The following ASAH2 variants were observed in gnomAD, a reference collection of about 807,000 sequenced individuals.
The protein encoded by ASAH2 is neutral ceramidase.
In ASAH2, 58 loss-of-function variants were observed where a neutral mutation model predicts 82.9. The ratio of observed to expected loss-of-function variants is 0.70; its 90% confidence interval spans 0.57 to 0.87. The LOEUF (loss-of-function observed/expected upper bound fraction) is 0.87. Among genes scored for constraint, ASAH2 ranks in the 40% least tolerant of loss-of-function variants. The probability of loss-of-function intolerance (pLI) is 0.00; values close to 1 mark genes in which losing one functional copy is unlikely to be tolerated. For missense variants in ASAH2, 779 were observed against 834.0 expected (o/e 0.93, Z 0.81); for synonymous variants, 276 against 289.7 (o/e 0.95, Z 0.48).
rs779014422 is a variant in ASAH2 at position 50,245,312 on chromosome 10, G to A, written c.270C>T (p.Thr90=). ...TATQTSPVPL[T]PESPLFQNFS... ...AGTTCTGAAATAGAGGAGACTCTGG[G>A]GTTAAAGGCACTGGAGAAGTTTGAG... Residue 90 remains threonine, a synonymous_variant, in exon 3 of 21, where the codon ACC becomes ACT. Transcript: ENST00000682911. 2.5e-6 allele frequency: 4 copies of A among 1,613,962 alleles called. No individual in the cohort carries two copies.
chr10:50,213,791 A>G (rs985341527), intron 9 of ASAH2, among the ~76,000 whole-genome samples: 60 of 152,264 alleles, frequency 3.9e-4, no homozygotes, highest in Non-Finnish European at 6.3e-4. Context: ...AGACTTTAAT[A>G]TATTAGGAGC....
intron 14 of ASAH2, 66 bp from the exon 15 acceptor site, chr10:50,203,745 T>C (rs1845223072): frequency 1.4e-6 from 2 of 1,476,352 alleles, no homozygotes; most frequent in Non-Finnish European, 1.9e-6. Flanking sequence ...ACAGAAACAC[T>C]GGCAGTGAAA....
At chr10:50,247,602 G>T (rs1389625679) in intron 2 of ASAH2, among the ~76,000 whole-genome samples, 1 of 152,076 alleles carries the variant, frequency 6.6e-6, no homozygotes, top group Non-Finnish European at 1.5e-5. Flanking sequence ...AGAATGTGCA[G>T]GAAAAGAGAC....
intron 7 of ASAH2, 22 bp downstream of exon 7, chr10:50,233,162 T>A: frequency 6.4e-7 from 1 of 1,555,026 alleles, no homozygotes; most frequent in South Asian, 1.1e-5. Context: ...ACAGAATTAT[T>A]TTTAAAAAGG....
At position 50,202,884 on chromosome 10, in the gene ASAH2, A is replaced by C; in HGVS notation, c.1706T>G (p.Ile569Ser). The C allele has an allele frequency of 6.2e-7, 1 of 1,612,278 alleles. No individual in the cohort carries two copies. Among genetic ancestry groups the C allele is most frequent in the Non-Finnish European group, 8.5e-7 (1 of 1,178,682 alleles). ...SHGMQNMTVV[I>S]SGLCNVYTHY... ...TGTATAGACGTTGCATAGACCTGAA[A>C]TAACAACAGTCATGTTCTGCATCCC... is the stretch of plus-strand genomic sequence containing the variant. Residue 569 changes from isoleucine to serine, a missense_variant, in exon 16 of 21, where the codon ATT becomes AGT. Around this residue, in one of 3 missense-constraint regions of ASAH2, gnomAD observed 759 missense variants for 755.2 expected, o/e 1.00. Transcript: ENST00000682911.
chr10:50,210,708 C>G, intron 12 of ASAH2, 115 bp downstream of exon 12: 1 of 992,670 alleles, frequency 1.0e-6, no homozygotes, highest in Non-Finnish European at 1.6e-6. Context: ...GGAAAACCAG[C>G]AGACCCTGAG....
intron 16 of ASAH2, among the ~76,000 whole-genome samples, chr10:50,200,940 C>A (rs1418039203): frequency 6.6e-6 from 1 of 152,060 alleles, no homozygotes; most frequent in Non-Finnish European, 1.5e-5. Flanking sequence ...TCCTGTTTTG[C>A]CTTTTTGTTC....
At chr10:50,229,924 T>C (rs1845982800) in intron 7 of ASAH2, among the ~76,000 whole-genome samples, 1 of 152,214 alleles carries the variant, frequency 6.6e-6, no homozygotes, top group Admixed American at 6.5e-5. Flanking sequence ...TATGCCTATC[T>C]GTATGCCTTC....
chr10:50,239,499 G>A (rs2842122), intron 4 of ASAH2, among the ~76,000 whole-genome samples: 121,097 of 152,074 alleles, frequency 0.8, 48,527 homozygotes, highest in Non-Finnish European at 0.85. Context: ...GCTAATGACC[G>A]TACTATTTCC....
At chr10:50,212,832 A>C (rs1394363337) in intron 10 of ASAH2, 140 bp downstream of exon 10, 2 of 845,792 alleles carry the variant, frequency 2.4e-6, no homozygotes, top group Non-Finnish European at 4.0e-6. Flanking sequence ...CCACCTCCCA[A>C]GCTGACCTCT....
At chr10:50,220,041 G>A (rs895324392) in intron 7 of ASAH2, among the ~76,000 whole-genome samples, 4 of 152,126 alleles carry the variant, frequency 2.6e-5, no homozygotes, top group African/African-American at 9.7e-5. Context: ...AACAAAGGAC[G>A]GGAACTGCTA....
chr10:50,236,846 CTT>C (rs1846172925), intron 4 of ASAH2, among the ~76,000 whole-genome samples: 1 of 152,092 alleles, frequency 6.6e-6, no homozygotes, highest in Non-Finnish European at 1.5e-5. Context: ...AACCAGTACT[CTT>C]ATTCATTCAT....
chr10:50,202,773 A>G (rs936158873), intron 16 of ASAH2, 56 bp downstream of exon 16: 6 of 1,186,596 alleles, frequency 5.1e-6, no homozygotes, highest in Non-Finnish European at 1.3e-6. Flanking sequence ...TGCATTTGAC[A>G]CAATAGTCTT....
chr10:50,205,900 T>A, intron 13 of ASAH2, 82 bp downstream of exon 13: 1 of 1,094,610 alleles, frequency 9.1e-7, no homozygotes, highest in Non-Finnish European at 1.4e-6. Context: ...TCTCAGTAGA[T>A]ATCTACCATT....
chr10:50,231,109 C>T (rs1230575788), intron 7 of ASAH2, among the ~76,000 whole-genome samples: 1 of 151,792 alleles, frequency 6.6e-6, no homozygotes, highest in Non-Finnish European at 1.5e-5. Flanking sequence ...GGTCCTTCAG[C>T]CAAGAGTAAA....
rs1414807859 is a variant in ASAH2, at chr10:50,221,765, C to T, written c.894-3135G>A. On this transcript the variant is annotated intron_variant, in intron 7 of 20. Coordinates refer to ENST00000682911, the MANE Select transcript of ASAH2 (RefSeq NM_019893.4). ...AGAGATAGAGATATATGCTCTTATC[C>T]ACTGTGGAATCCTGGTTCTGTCCCT... is the stretch of plus-strand genomic sequence containing the variant. 2.0e-5 allele frequency among the ~76,000 whole-genome samples: 3 copies of T among 152,092 alleles called. No homozygotes were observed. The East Asian group carries it at 5.8e-4, about 29-fold the overall frequency.
intron 7 of ASAH2, among the ~76,000 whole-genome samples, chr10:50,226,007 C>T (rs939624889): frequency 5.1e-4 from 77 of 152,066 alleles, no homozygotes; most frequent in Middle Eastern, 3.4e-3. Context: ...GCAAGAGAAT[C>T]GCTTGAACCC....
intron 7 of ASAH2, among the ~76,000 whole-genome samples, chr10:50,218,906 G>T (rs1399487260): frequency 6.6e-6 from 1 of 152,166 alleles, no homozygotes; most frequent in South Asian, 2.1e-4. Context: ...GTTACCAGAT[G>T]ACATACCTAA....
chr10:50,212,991 G>A lies in ASAH2; in HGVS notation c.1208C>T (p.Ala403Val), dbSNP rs1219255427. ...MFDSTQIIGR[A>V]MYQRAKELYA... ...GCTTACCTTTGCTCTCTGATACATG[G>A]CCCGTCCTATAATTTGTGTGCTGTC... The change falls in exon 10 of 21, where the codon GCC becomes GTC. Residue 403 changes from alanine to valine, a missense_variant. By Grantham distance (64) the Ala-to-Val change is moderately conservative. Coordinates refer to ENST00000682911, the MANE Select transcript of ASAH2 (RefSeq NM_019893.4). 1.2e-6 allele frequency: 2 copies of A among 1,613,586 alleles called. No homozygotes were observed. The highest frequency in any genetic ancestry group is 4.5e-5 in the East Asian group (2 of 44,876).
Sources: gnomAD v4.1 joint callset for allele counts (sites outside exome capture counted in the v4.1 genomes callset) on GRCh38, gnomAD v4.1.1 for gene constraint, gnomAD v4.1.1 regional missense constraint, MANE v1.5 for transcripts, NCBI Gene and HGNC (gene_info 2026-07-23, HGNC 2026-07-21) for gene names.